TUSC3: variants seen among roughly 807,000 people sequenced by gnomAD.
TUSC3 encodes the protein dolichyl-diphosphooligosaccharide--protein glycosyltransferase subunit TUSC3.
Under a neutral mutation model 44.8 loss-of-function variants are expected in TUSC3, and 45 were observed. The observed-to-expected ratio is 1.00, with a 90% CI of 0.79 to 1.29. TUSC3 has a LOEUF of 1.29. Ranked by LOEUF, TUSC3 falls within the 50% of genes most tolerant of loss-of-function variation. TUSC3 has a pLI of 0.00. For missense variants in TUSC3, 519 were observed against 437.9 expected (o/e 1.19, Z -1.65); for synonymous variants, 212 against 152.9 (o/e 1.39, Z -2.85).
chr8:15,826,396 CT>C, the TUSC3 span, among the ~76,000 whole-genome samples: 1 of 152,160 alleles, frequency 6.6e-6, no homozygotes, highest in Non-Finnish European at 1.5e-5. Context: ...CTTTAATTGC[CT>C]TTTCAGTATG....
At chr8:15,524,667 T>TA (rs1156791011) in intron 2 of TUSC3, among the ~76,000 whole-genome samples, 21 of 152,156 alleles carry the variant, frequency 1.4e-4, no homozygotes, top group Non-Finnish European at 2.5e-4. Flanking sequence ...TAGCTAAAGA[T>TA]AAAAAAAGAC....
intron 6 of TUSC3, among the ~76,000 whole-genome samples, chr8:15,728,488 G>C (rs553162574): frequency 6.6e-6 from 1 of 151,492 alleles, no homozygotes; most frequent in African/African-American, 2.4e-5. Flanking sequence ...AGAGAAGGAG[G>C]GAATAAAGGC....
At chr8:15,562,512 A>G (rs971006554) in intron 1 of TUSC3, among the ~76,000 whole-genome samples, 2 of 152,238 alleles carry the variant, frequency 1.3e-5, no homozygotes, top group East Asian at 1.9e-4. Flanking sequence ...CTTATCTCCT[A>G]GTTTCTAGAT....
chr8:15,568,500 T>C (rs1802755260), intron 1 of TUSC3, among the ~76,000 whole-genome samples: 1 of 152,176 alleles, frequency 6.6e-6, no homozygotes, highest in South Asian at 2.1e-4. Context: ...TGAATTAGGC[T>C]TATGTCATTT....
chr8:15,569,632 A>G (rs967618246), intron 1 of TUSC3, among the ~76,000 whole-genome samples: 2 of 152,182 alleles, frequency 1.3e-5, no homozygotes, highest in Non-Finnish European at 2.9e-5. Flanking sequence ...TGCTGAGATG[A>G]CAGGAGTAAA....
intron 2 of TUSC3, among the ~76,000 whole-genome samples, chr8:15,635,275 A>T (rs1458606825): frequency 6.6e-6 from 1 of 152,186 alleles, no homozygotes; most frequent in Non-Finnish European, 1.5e-5. Flanking sequence ...CTTGGGATAG[A>T]TGTGTTTAGT....
the TUSC3 span, among the ~76,000 whole-genome samples, chr8:15,789,563 C>G: frequency 6.6e-6 from 1 of 152,032 alleles, no homozygotes; most frequent in African/African-American, 2.4e-5. Context: ...TCTGAACATT[C>G]AAATCATTCT....
At chr8:15,544,086 G>A (rs748410460) in intron 1 of TUSC3, among the ~76,000 whole-genome samples, 2 of 152,112 alleles carry the variant, frequency 1.3e-5, no homozygotes, top group African/African-American at 2.4e-5. Flanking sequence ...AATTTGTATA[G>A]TCACTTTTCT....
intron 5 of TUSC3, among the ~76,000 whole-genome samples, chr8:15,671,934 G>T (rs1309304120): frequency 9.2e-5 from 14 of 151,858 alleles, no homozygotes; most frequent in Admixed American, 5.3e-4. Context: ...CATCTCTAGA[G>T]TCCAGTAACA....
chr8:15,680,716 G>A (rs1432252931), intron 6 of TUSC3, among the ~76,000 whole-genome samples: 1 of 152,074 alleles, frequency 6.6e-6, no homozygotes, highest in Non-Finnish European at 1.5e-5. Context: ...GTATGATGTT[G>A]CCTGTGGGTT....
At chr8:15,545,602 G>C (rs1189103399) in intron 1 of TUSC3, among the ~76,000 whole-genome samples, 2 of 151,670 alleles carry the variant, frequency 1.3e-5, no homozygotes, top group African/African-American at 2.4e-5. Context: ...CCACGTAAGA[G>C]ATAGGAGCTT....
At chr8:15,737,141 C>T (rs1312544204) in intron 7 of TUSC3, among the ~76,000 whole-genome samples, 2 of 151,942 alleles carry the variant, frequency 1.3e-5, no homozygotes, top group Non-Finnish European at 1.5e-5. Flanking sequence ...AGCAAACATT[C>T]CTTTTAATGT....
intron 1 of TUSC3, among the ~76,000 whole-genome samples, chr8:15,421,131 T>A (rs1799733127): frequency 6.6e-6 from 1 of 152,180 alleles, no homozygotes; most frequent in South Asian, 2.1e-4. Context: ...CTGCAGTTCT[T>A]CCCCAGAGTA....
At chr8:15,781,650 T>TA in the TUSC3 span, among the ~76,000 whole-genome samples, 2 of 152,044 alleles carry the variant, frequency 1.3e-5, no homozygotes, top group Non-Finnish European at 2.9e-5. Flanking sequence ...ATTGAAATAG[T>TA]AATAAAAAGT....
chr8:15,722,027 A>G (rs1438599293), intron 6 of TUSC3, among the ~76,000 whole-genome samples: 1 of 152,090 alleles, frequency 6.6e-6, no homozygotes, highest in Non-Finnish European at 1.5e-5. Flanking sequence ...AGTTTTGATC[A>G]CAAAGTATAA....
intron 1 of TUSC3, among the ~76,000 whole-genome samples, chr8:15,551,686 T>C (rs1217073646): frequency 6.6e-6 from 1 of 151,752 alleles, no homozygotes; most frequent in Non-Finnish European, 1.5e-5. Context: ...AGAAACAACT[T>C]AAGAAGTTAT....
At chr8:15,594,042 C>T (rs1453119566) in intron 1 of TUSC3, among the ~76,000 whole-genome samples, 1 of 152,120 alleles carries the variant, frequency 6.6e-6, no homozygotes. Context: ...ATCCTTTCTC[C>T]CCAACTTGTA....
intron 7 of TUSC3, among the ~76,000 whole-genome samples, chr8:15,733,054 T>G (rs1483521207): frequency 6.6e-6 from 1 of 152,192 alleles, no homozygotes; most frequent in African/African-American, 2.4e-5. Flanking sequence ...AATTTTGTTG[T>G]ATTTTTCAAC....
intron 9 of TUSC3, among the ~76,000 whole-genome samples, chr8:15,750,433 GA>G (rs1350897689): frequency 4.6e-5 from 7 of 151,948 alleles, no homozygotes; most frequent in African/African-American, 1.4e-4. Flanking sequence ...GAAAAGTGGA[GA>G]AAAAAATATT....
Sources: gnomAD v4.1 joint callset for allele counts (sites outside exome capture counted in the v4.1 genomes callset) on GRCh38, gnomAD v4.1.1 for gene constraint, MANE v1.5 for transcripts, NCBI Gene and HGNC (gene_info 2026-07-23, HGNC 2026-07-21) for gene names.